The following CDH18 variants were observed in gnomAD, a reference collection of about 807,000 sequenced individuals.
The protein encoded by CDH18 is cadherin-18.
CDH18 carries 31 observed loss-of-function variants against 67.9 expected under a neutral mutation model. That is an observed-to-expected ratio of 0.46 (90% confidence interval 0.34 to 0.62). CDH18 has a LOEUF of 0.62. Ranked by LOEUF, CDH18 falls within the 20% of genes least tolerant of loss-of-function variation. CDH18 has a pLI of 0.01. For synonymous variants in CDH18, 362 were observed against 347.2 expected, an observed-to-expected ratio of 1.04 and a Z score of -0.48; for missense variants, 890 against 975.5, an observed-to-expected ratio of 0.91 and a Z score of 1.17.
At chr5:19,514,517 G>A (rs180967338) in intron 10 of CDH18, among the ~76,000 whole-genome samples, 35 of 152,290 alleles carry the variant, frequency 2.3e-4, no homozygotes, top group Middle Eastern at 6.8e-3. Context: ...GTTGTTTCCT[G>A]ACTTTTTAGT....
chr5:19,564,737 G>T (rs987955211), intron 8 of CDH18, among the ~76,000 whole-genome samples: 1 of 152,124 alleles, frequency 6.6e-6, no homozygotes, highest in Admixed American at 6.5e-5. Context: ...CCACAGAGGG[G>T]TGGAGCATCA....
intron 1 of CDH18, among the ~76,000 whole-genome samples, chr5:20,438,862 T>C (rs368041515): frequency 6.6e-6 from 1 of 151,542 alleles, no homozygotes; most frequent in South Asian, 2.1e-4. Flanking sequence ...ACCTCCACTA[T>C]GTTAGGAGAT....
intron 1 of CDH18, among the ~76,000 whole-genome samples, chr5:20,463,168 T>C (rs1005733703): frequency 6.6e-6 from 1 of 152,060 alleles, no homozygotes; most frequent in African/African-American, 2.4e-5. Context: ...TCATTCAGAA[T>C]TGGGATGTAT....
At chr5:20,173,738 A>G (rs1321549197) in intron 2 of CDH18, among the ~76,000 whole-genome samples, 1 of 152,198 alleles carries the variant, frequency 6.6e-6, no homozygotes, top group Non-Finnish European at 1.5e-5. Context: ...TTATTTCTGG[A>G]TTTCTAAGCT....
At chr5:19,607,132 C>T (rs1397950694) in intron 6 of CDH18, among the ~76,000 whole-genome samples, 2 of 151,522 alleles carry the variant, frequency 1.3e-5, no homozygotes, top group Non-Finnish European at 3.0e-5. Flanking sequence ...TGAGAAAATT[C>T]ATTGGCAGTT....
At chr5:19,550,085 T>C (rs148786686) in intron 8 of CDH18, among the ~76,000 whole-genome samples, 40 of 151,650 alleles carry the variant, frequency 2.6e-4, no homozygotes, top group African/African-American at 9.2e-4. Context: ...CCTTCAGAGG[T>C]GACATAGCAT....
At chr5:19,672,493 C>A (rs1485944779) in intron 5 of CDH18, among the ~76,000 whole-genome samples, 1 of 152,068 alleles carries the variant, frequency 6.6e-6, no homozygotes, top group African/African-American at 2.4e-5. Flanking sequence ...AATTATAACT[C>A]ATTTTCTCTG....
intron 2 of CDH18, among the ~76,000 whole-genome samples, chr5:19,862,826 G>C (rs1785046951): frequency 6.6e-6 from 1 of 152,114 alleles, no homozygotes; most frequent in African/African-American, 2.4e-5. Context: ...TTTTAAATCA[G>C]GTATGGTGAG....
chr5:19,552,272 T>C (rs556241367), intron 8 of CDH18, among the ~76,000 whole-genome samples: 5 of 152,290 alleles, frequency 3.3e-5, no homozygotes, highest in Admixed American at 6.5e-5. Flanking sequence ...TTGAGTAATA[T>C]TTAAACATTG....
At chr5:20,541,911 G>A (rs998835402) in intron 1 of CDH18, among the ~76,000 whole-genome samples, 5 of 152,118 alleles carry the variant, frequency 3.3e-5, no homozygotes, top group African/African-American at 7.2e-5. Flanking sequence ...CATCCCTGAC[G>A]AGGTTATTGA....
chr5:20,181,291 G>A (rs957486636), intron 2 of CDH18, among the ~76,000 whole-genome samples: 1 of 152,134 alleles, frequency 6.6e-6, no homozygotes, highest in Non-Finnish European at 1.5e-5. Flanking sequence ...GAATCTTGAA[G>A]AGCAATTGTA....
At chr5:19,745,868 G>C (rs1049495059) in intron 4 of CDH18, among the ~76,000 whole-genome samples, 3 of 151,942 alleles carry the variant, frequency 2.0e-5, no homozygotes, top group Non-Finnish European at 4.4e-5. Flanking sequence ...CTGGAATCTG[G>C]AGTTGAGAGA....
chr5:19,840,573 A>C (rs1174104721), intron 2 of CDH18, among the ~76,000 whole-genome samples: 2 of 151,758 alleles, frequency 1.3e-5, no homozygotes, highest in African/African-American at 4.8e-5. Flanking sequence ...ATGGTGGTGC[A>C]CGCCTGTAAT....
chr5:20,432,917 C>T (rs10061440), intron 1 of CDH18, among the ~76,000 whole-genome samples: 1 of 147,922 alleles, frequency 6.8e-6, no homozygotes, highest in Admixed American at 6.8e-5. Context: ...TATTTTAGGC[C>T]TCTTATAGAT....
At chr5:19,903,617 CTTTTTTTTTT>C (rs59678864) in intron 2 of CDH18, among the ~76,000 whole-genome samples, 5 of 89,992 alleles carry the variant, frequency 5.6e-5, no homozygotes, top group African/African-American at 2.1e-4. Context: ...AGCAAAGTGG[CTTTTTTTTTT>C]TTTTTTTTTT....
At chr5:19,561,506 G>A (rs767611123) in intron 8 of CDH18, among the ~76,000 whole-genome samples, 41 of 152,056 alleles carry the variant, frequency 2.7e-4, no homozygotes, top group Non-Finnish European at 4.3e-4. Context: ...GGGGACTTGG[G>A]GGAAAGGGTG....
chr5:20,537,522 TATTA>T (rs1393993816), intron 1 of CDH18, among the ~76,000 whole-genome samples: 26 of 152,254 alleles, frequency 1.7e-4, no homozygotes, highest in Non-Finnish European at 1.5e-5. Flanking sequence ...AACATGGTCC[TATTA>T]ATTAATTTTT....
At chr5:20,253,551 A>ATTT (rs991780604) in intron 2 of CDH18, among the ~76,000 whole-genome samples, 1 of 152,128 alleles carries the variant, frequency 6.6e-6, no homozygotes, top group Non-Finnish European at 1.5e-5. Flanking sequence ...TGTAATAACC[A>ATTT]TTTTTTTGAA....
intron 1 of CDH18, among the ~76,000 whole-genome samples, chr5:19,986,145 G>T (rs370743135): frequency 3.0e-4 from 46 of 152,148 alleles, no homozygotes; most frequent in African/African-American, 8.7e-4. Flanking sequence ...TTATAAAGTT[G>T]GAATAAATGA....
Sources: allele counts gnomAD v4.1 joint callset (sites outside exome capture counted in the v4.1 genomes callset), GRCh38; gene constraint gnomAD v4.1.1; transcripts MANE v1.5; gene names NCBI Gene and HGNC (gene_info 2026-07-23, HGNC 2026-07-21).